The following PRKG1 variants were observed in gnomAD, a reference collection of about 807,000 sequenced individuals.
PRKG1 encodes the protein cGMP-dependent protein kinase 1.
A neutral mutation model predicts 88.1 loss-of-function variants in PRKG1; 35 were observed. That is an observed-to-expected ratio of 0.40 (90% CI 0.30 to 0.53). The LOEUF is 0.53. Among genes scored for constraint, PRKG1 ranks in the 20% least tolerant of loss-of-function variants. The probability of loss-of-function intolerance (pLI) is 0.59; values close to 1 mark genes in which losing one functional copy is unlikely to be tolerated. For synonymous variants in PRKG1, 303 were observed against 292.5 expected (o/e 1.04, Z -0.37); for missense variants, 540 against 839.8 (o/e 0.64, Z 4.41).
rs1681566712 is a variant in PRKG1 at position 50,991,404 on chromosome 10, C to T, written c.26C>T (p.Ala9Val). ...ATGAGCGAGCTAGAGGAAGACTTTGCCAAGATTCTCATGCTCAAGGAGGAG... is the reference window on the plus strand; with the variant it reads ...ATGAGCGAGCTAGAGGAAGACTTTGTCAAGATTCTCATGCTCAAGGAGGAG... Residue 9 changes from alanine to valine, a missense_variant, in exon 1 of 18, where the codon GCC becomes GTC. Ala to Val is a moderately conservative substitution (Grantham distance 64, BLOSUM62 0). Coordinates refer to the PRKG1 transcript ENST00000401604. This position sits in a 1 kb window ranked among gnomAD's most constrained non-coding sequence, Gnocchi z 4.5. 1 of 1,557,602 alleles carries T rather than the reference C, an allele frequency of 6.4e-7. No individual in the cohort carries two copies. Among genetic ancestry groups the T allele is most frequent in the Non-Finnish European group, 8.7e-7 (1 of 1,152,226 alleles).
intron 2 of PRKG1, among the ~76,000 whole-genome samples, chr10:51,397,125 A>AT (rs35688462): frequency 0.07 from 8,791 of 126,060 alleles, 326 homozygotes; most frequent in Middle Eastern, 0.11. Flanking sequence ...ATTACTGAGT[A>AT]TTTTTTTTTT....
At chr10:52,260,819 G>C (rs1460056295) in intron 10 of PRKG1, among the ~76,000 whole-genome samples, 4 of 151,906 alleles carry the variant, frequency 2.6e-5, no homozygotes, top group Non-Finnish European at 5.9e-5. Flanking sequence ...AAAAGCAGTA[G>C]GAAATAAATG....
At chr10:51,212,932 A>T (rs1838264765) in intron 2 of PRKG1, among the ~76,000 whole-genome samples, 2 of 152,202 alleles carry the variant, frequency 1.3e-5, no homozygotes, top group Admixed American at 6.5e-5. Flanking sequence ...CTAGAACTAG[A>T]AATACCATTT....
At chr10:51,888,630 C>T (rs1841633608) in intron 4 of PRKG1, among the ~76,000 whole-genome samples, 1 of 152,122 alleles carries the variant, frequency 6.6e-6, no homozygotes, top group Non-Finnish European at 1.5e-5. Context: ...GCTAATTAAG[C>T]AATCTAAGAT....
At chr10:51,208,669 G>A (rs1722586073) in intron 2 of PRKG1, among the ~76,000 whole-genome samples, 1 of 152,202 alleles carries the variant, frequency 6.6e-6, no homozygotes, top group African/African-American at 2.4e-5. Flanking sequence ...ATCATGTTCA[G>A]AGTACAGAGG....
intron 3 of PRKG1, among the ~76,000 whole-genome samples, chr10:51,594,828 T>C (rs976640037): frequency 2.0e-5 from 3 of 152,216 alleles, no homozygotes; most frequent in Non-Finnish European, 2.9e-5. Context: ...TTAGCAAACA[T>C]TGTTTGTCTT....
chr10:51,325,313 T>TCACAC (rs1841561334), intron 2 of PRKG1, among the ~76,000 whole-genome samples: 2 of 152,134 alleles, frequency 1.3e-5, no homozygotes, highest in Admixed American at 6.5e-5. Flanking sequence ...CAGGCTGGAG[T>TCACAC]ACAATGGTGT....
At chr10:51,606,272 A>G (rs1838764486) in intron 3 of PRKG1, among the ~76,000 whole-genome samples, 1 of 152,144 alleles carries the variant, frequency 6.6e-6, no homozygotes, top group Non-Finnish European at 1.5e-5. Context: ...GCAACTACAT[A>G]AAGACAACCT....
At chr10:51,088,983 G>C (rs1224845410) in intron 1 of PRKG1, among the ~76,000 whole-genome samples, 1 of 152,068 alleles carries the variant, frequency 6.6e-6, no homozygotes, top group Non-Finnish European at 1.5e-5. Flanking sequence ...GCATGCCTTT[G>C]TGGATTGCCT....
At chr10:51,363,227 A>T (rs1218484213) in intron 2 of PRKG1, among the ~76,000 whole-genome samples, 1 of 151,878 alleles carries the variant, frequency 6.6e-6, no homozygotes, top group Admixed American at 6.6e-5. Context: ...AAAAAAAAAA[A>T]AAAATTCTCG....
intron 7 of PRKG1, among the ~76,000 whole-genome samples, chr10:52,108,110 A>G (rs1847468160): frequency 6.6e-6 from 1 of 152,218 alleles, no homozygotes; most frequent in South Asian, 2.1e-4. Context: ...AAACTCAGAG[A>G]GGTTAAATGA....
chr10:51,266,999 C>G lies in PRKG1; in HGVS notation c.478+113669C>G, dbSNP rs112647446. Among the ~76,000 whole-genome samples the G allele has an allele frequency of 8.6e-3, 1,308 of 152,190 alleles. 23 individuals carry two copies. The highest frequency in any genetic ancestry group is 0.034 in the Middle Eastern group (10 of 294). On this transcript the variant is annotated intron_variant, in intron 2 of 17. Coordinates refer to ENST00000373980, the MANE Select transcript of PRKG1 (RefSeq NM_006258.4). ...GAGCGACATTTAAATGAGCTAAAAA[C>G]TGATATGGAAGGGGTGTTGAAGAAT...
At chr10:51,192,500 AT>A (rs1478864168) in intron 2 of PRKG1, among the ~76,000 whole-genome samples, 1 of 152,016 alleles carries the variant, frequency 6.6e-6, no homozygotes, top group Non-Finnish European at 1.5e-5. Flanking sequence ...TTAAAATTCC[AT>A]TCTAAAATAT....
chr10:51,929,239 A>G (rs1229954055), intron 5 of PRKG1, among the ~76,000 whole-genome samples: 3 of 151,828 alleles, frequency 2.0e-5, no homozygotes, highest in Admixed American at 6.6e-5. Context: ...ACTTAACACT[A>G]TATCATTTTT....
chr10:51,749,883 T>C (rs1460818848), intron 3 of PRKG1, among the ~76,000 whole-genome samples: 1 of 151,978 alleles, frequency 6.6e-6, no homozygotes, highest in African/African-American at 2.4e-5. Context: ...TTGGTGGGCT[T>C]AACACAATTT....
chr10:52,240,160 G>T (rs1021809470), intron 9 of PRKG1, among the ~76,000 whole-genome samples: 17 of 152,146 alleles, frequency 1.1e-4, no homozygotes, highest in African/African-American at 4.1e-4. Flanking sequence ...AAAAACTACA[G>T]AATGACTACA....
intron 1 of PRKG1, among the ~76,000 whole-genome samples, chr10:51,003,500 A>G (rs1166421572): frequency 6.6e-6 from 1 of 152,132 alleles, no homozygotes; most frequent in Non-Finnish European, 1.5e-5. Context: ...GTGGTACCAA[A>G]TCCCCATTTG....
At chr10:51,277,500 A>C (rs1840157965) in intron 2 of PRKG1, among the ~76,000 whole-genome samples, 1 of 152,212 alleles carries the variant, frequency 6.6e-6, no homozygotes, top group Non-Finnish European at 1.5e-5. Context: ...TCTGTGAAGA[A>C]AGTCTTTCGT....
intron 3 of PRKG1, among the ~76,000 whole-genome samples, chr10:51,679,143 A>G (rs951963256): frequency 2.6e-5 from 4 of 152,164 alleles, no homozygotes; most frequent in South Asian, 2.1e-4. Context: ...ATTCCTACAA[A>G]TGTCCTCTTG....
Sources: gnomAD v4.1 joint callset for allele counts (sites outside exome capture counted in the v4.1 genomes callset) on GRCh38, gnomAD v4.1.1 for gene constraint, Gnocchi (gnomAD v3.1) non-coding constraint, MANE v1.5 for transcripts, NCBI Gene and HGNC (gene_info 2026-07-23, HGNC 2026-07-21) for gene names.